The following STAG2 variants were observed in gnomAD, a reference collection of about 807,000 sequenced individuals.
STAG2 encodes cohesin subunit SA-2.
STAG2 carries 14 observed loss-of-function variants against 108.1 expected under a neutral mutation model. The observed-to-expected ratio is 0.13, with a 90% confidence interval of 0.09 to 0.20. The LOEUF (loss-of-function observed/expected upper bound fraction) is 0.20, where lower values mean the gene tolerates loss of function less well. STAG2 is among the 10% of genes least tolerant of loss of function. The pLI, the probability that STAG2 is intolerant of heterozygous loss-of-function variation, is 1.00. For missense variants in STAG2, 440 were observed against 940.9 expected (o/e 0.47, Z 6.96); for synonymous variants, 307 against 302.7 (o/e 1.01, Z -0.15).
At chrX:124,086,498 A>ATATT in intron 29 of STAG2, 49 bp from the exon 30 acceptor site, 1 of 1,037,554 alleles carries the variant, frequency 9.6e-7, no homozygotes, top group Non-Finnish European at 1.3e-6. Flanking sequence ...GAGTTAATAT[A>ATATT]ACCCACAGAT....
intron 30 of STAG2, among the ~76,000 whole-genome samples, chrX:124,087,969 A>G (rs971224402): frequency 2.9e-4 from 33 of 112,494 alleles, no homozygotes; most frequent in African/African-American, 1.0e-3. Context: ...ATCACAGTTG[A>G]TGGGGAAATC....
At chrX:124,050,385 C>T (rs1322667536) in intron 11 of STAG2, 76 bp downstream of exon 11, 5 of 1,041,806 alleles carry the variant, frequency 4.8e-6, no homozygotes, top group Non-Finnish European at 5.1e-6. Context: ...TGAGTTATCT[C>T]CCAGTATGTA....
chrX:123,962,407 C>T (rs1233045000), intron 1 of STAG2, among the ~76,000 whole-genome samples: 1 of 111,052 alleles, frequency 9.0e-6, no homozygotes, highest in Non-Finnish European at 1.9e-5. Flanking sequence ...GCTGTACTTT[C>T]GACATTTAGT....
At chrX:124,057,552 T>C (rs2058242703) in intron 14 of STAG2, among the ~76,000 whole-genome samples, 1 of 112,521 alleles carries the variant, frequency 8.9e-6, no homozygotes, top group Admixed American at 9.4e-5. Context: ...TGTAGCTTTG[T>C]CAATGTACTA....
intron 5 of STAG2, among the ~76,000 whole-genome samples, chrX:124,034,852 C>T (rs1162644210): frequency 9.6e-6 from 1 of 103,975 alleles, no homozygotes; most frequent in Non-Finnish European, 2.0e-5. Context: ...ATACCTATCT[C>T]AGTAGTTGTT....
At chrX:124,052,796 T>G (rs2058081738) in intron 13 of STAG2, among the ~76,000 whole-genome samples, 1 of 110,184 alleles carries the variant, frequency 9.1e-6, no homozygotes, top group Non-Finnish European at 1.9e-5. Context: ...CCACCAGCAA[T>G]GTACAAGATT....
At chrX:124,004,127 T>G (rs1398490270) in intron 1 of STAG2, among the ~76,000 whole-genome samples, 1 of 111,955 alleles carries the variant, frequency 8.9e-6, no homozygotes, top group Non-Finnish European at 1.9e-5. Flanking sequence ...TTCTAGAGGT[T>G]CATATTTATT....
chrX:124,039,172 A>C (rs866868865), intron 6 of STAG2, among the ~76,000 whole-genome samples: 6 of 79,596 alleles, frequency 7.5e-5, no homozygotes, highest in African/African-American at 2.7e-4. Flanking sequence ...TTATTATTTT[A>C]TGAGAGAGAG....
chrX:124,097,994 C>T (rs1399282204), intron 34 of STAG2, among the ~76,000 whole-genome samples: 1 of 108,896 alleles, frequency 9.2e-6, no homozygotes, highest in African/African-American at 3.3e-5. Context: ...TTTTAACATT[C>T]GTTTTCTTAG....
intron 1 of STAG2, among the ~76,000 whole-genome samples, chrX:123,984,858 C>T (rs1391711381): frequency 1.8e-5 from 2 of 111,115 alleles, no homozygotes; most frequent in African/African-American, 3.3e-5. Flanking sequence ...AGGCTGGTCT[C>T]GAACTCCTGA....
chrX:124,010,904 C>G (rs1024420500), intron 1 of STAG2, among the ~76,000 whole-genome samples: 1 of 111,129 alleles, frequency 9.0e-6, no homozygotes, highest in Non-Finnish European at 1.9e-5. Context: ...TATGAATTTT[C>G]AGCTTAATTT....
chrX:124,028,996 T>C (rs1192048919), intron 4 of STAG2, among the ~76,000 whole-genome samples: 1 of 68,846 alleles, frequency 1.5e-5, no homozygotes, highest in African/African-American at 6.0e-5. Context: ...TATATATATA[T>C]ATATATATAT....
intron 26 of STAG2, among the ~76,000 whole-genome samples, chrX:124,077,032 T>C (rs1393217274): frequency 9.0e-6 from 1 of 111,566 alleles, no homozygotes; most frequent in Non-Finnish European, 1.9e-5. Flanking sequence ...TTGATTATAC[T>C]AACAGAATGT....
intron 4 of STAG2, among the ~76,000 whole-genome samples, chrX:124,026,233 CTTTATT>C (rs2057100297): frequency 9.1e-6 from 1 of 109,464 alleles, no homozygotes; most frequent in Non-Finnish European, 1.9e-5. Context: ...GTTCTGTTGG[CTTTATT>C]TTTGTTTTCC....
chrX:124,052,037 T>C (rs950080323), intron 13 of STAG2, among the ~76,000 whole-genome samples: 10 of 112,427 alleles, frequency 8.9e-5, no homozygotes, highest in African/African-American at 1.6e-4. Flanking sequence ...TGTTACACTT[T>C]TAGAGTATGA....
chrX:124,005,366 C>CT (rs1173401418), intron 1 of STAG2, among the ~76,000 whole-genome samples: 9 of 111,565 alleles, frequency 8.1e-5, no homozygotes, highest in Non-Finnish European at 1.5e-4. Context: ...GGTGTAAGCA[C>CT]TACCACCACC....
chrX:124,078,177 A>C (rs968283981), intron 27 of STAG2, 119 bp downstream of exon 27: 2 of 496,665 alleles, frequency 4.0e-6, no homozygotes, highest in African/African-American at 4.9e-5. Flanking sequence ...GTAGAAATAC[A>C]AGAAAGTATA....
At chrX:124,045,083 T>A in intron 7 of STAG2, 81 bp from the exon 8 acceptor site, 1 of 835,477 alleles carries the variant, frequency 1.2e-6, no homozygotes. Context: ...TTTCATGCTT[T>A]TGTCTAGGGT....
intron 4 of STAG2, among the ~76,000 whole-genome samples, chrX:124,029,024 T>C (rs2057237675): frequency 9.7e-6 from 1 of 102,993 alleles, no homozygotes; most frequent in African/African-American, 3.5e-5. Flanking sequence ...TTTATTTATT[T>C]ATTTATTTTT....
Sources: allele counts gnomAD v4.1 joint callset (sites outside exome capture counted in the v4.1 genomes callset), GRCh38; gene constraint gnomAD v4.1.1; transcripts MANE v1.5; gene names NCBI Gene and HGNC (gene_info 2026-07-23, HGNC 2026-07-21).